Variants in AHNAK observed in about 807,000 individuals in gnomAD.
AHNAK encodes the protein AHNAK nucleoprotein.
In AHNAK, 23 loss-of-function variants were observed where a neutral mutation model predicts 37.8. The ratio of observed to expected loss-of-function variants is 0.61; its 90% CI spans 0.44 to 0.86. The LOEUF (loss-of-function observed/expected upper bound fraction) is 0.86, where lower values mean the gene tolerates loss of function less well. Among genes scored for constraint, AHNAK ranks in the 40% least tolerant of loss-of-function variants. The probability of loss-of-function intolerance (pLI) is 0.00; values close to 1 mark genes in which losing one functional copy is unlikely to be tolerated. For missense variants in AHNAK, 7,411 were observed against 7,319.4 expected (o/e 1.01, Z -0.46); for synonymous variants, 2,481 against 2,636.3 (o/e 0.94, Z 1.80).
At chr11:62,457,221 G>A (rs1398412622) in intron 5 of AHNAK, among the ~76,000 whole-genome samples, 1 of 152,140 alleles carries the variant, frequency 6.6e-6, no homozygotes, top group Non-Finnish European at 1.5e-5. Context: ...GCTGAGGCAG[G>A]TGGATCATGA....
chr11:62,467,197 G>A (rs1938930080), intron 5 of AHNAK, among the ~76,000 whole-genome samples: 1 of 126,000 alleles, frequency 7.9e-6, no homozygotes, highest in Non-Finnish European at 1.6e-5. Flanking sequence ...GGGTGACAAA[G>A]TGAGATCCTG....
chr11:62,475,602 C>CTTTT (rs55773953), intron 5 of AHNAK, among the ~76,000 whole-genome samples: 33,320 of 115,664 alleles, frequency 0.29, 6,203 homozygotes, highest in South Asian at 0.44. Context: ...TTATGTTATA[C>CTTTT]TTTTTTTTTT....
intron 5 of AHNAK, among the ~76,000 whole-genome samples, chr11:62,457,434 C>CGA (rs1938680524): frequency 2.0e-5 from 3 of 149,610 alleles, no homozygotes; most frequent in Admixed American, 1.3e-4. Context: ...GGTGACAGAC[C>CGA]GAGACTCCTT....
At position 62,546,741 on chromosome 11, in the gene AHNAK, C is replaced by T. The variant is rs1040133485; in HGVS notation, c.-181G>A. ...GCTGCGGCTACTGGCGGCGACGAGC[C>T]CCGTTCCGGGCGGGTCTGGCAGGGC... On this transcript the variant is annotated 5_prime_UTR_variant, in exon 1 of 5. Coordinates refer to ENST00000378024, the MANE Select transcript of AHNAK (RefSeq NM_001620.3). 1 of 152,896 alleles carries T rather than the reference C, an allele frequency of 6.5e-6. No individual in the cohort carries two copies. The highest frequency in any genetic ancestry group is 2.4e-5 in the African/African-American group (1 of 41,478). The allele number at this position is 152,896 out of a possible 1,614,324, so 9.5% of individuals were successfully genotyped here.
At chr11:62,437,650 C>T (rs112516030) in intron 5 of AHNAK, among the ~76,000 whole-genome samples, 20,321 of 152,192 alleles carry the variant, frequency 0.13, 1,646 homozygotes, top group Middle Eastern at 0.2. Context: ...TGAACCACCA[C>T]GCCCAGCCCA....
intron 5 of AHNAK, among the ~76,000 whole-genome samples, chr11:62,446,877 C>A (rs112588151): frequency 6.6e-6 from 1 of 152,046 alleles, no homozygotes; most frequent in East Asian, 1.9e-4. Flanking sequence ...ATCAAGTCTC[C>A]CCCAAACTGA....
At chr11:62,469,675 C>T (rs532423778) in intron 5 of AHNAK, among the ~76,000 whole-genome samples, 43 of 152,072 alleles carry the variant, frequency 2.8e-4, no homozygotes, top group African/African-American at 9.6e-4. Context: ...ACTGTGTTGG[C>T]CAGGCTGGTC....
At chr11:62,454,930 A>ATT (rs67424324) in intron 5 of AHNAK, among the ~76,000 whole-genome samples, 10 of 134,696 alleles carry the variant, frequency 7.4e-5, no homozygotes, top group African/African-American at 1.6e-4. Context: ...TTATTTATTT[A>ATT]TTTTTTTTTT....
At chr11:62,510,335 C>T (rs1939887570) in intron 4 of AHNAK, among the ~76,000 whole-genome samples, 2 of 152,136 alleles carry the variant, frequency 1.3e-5, no homozygotes, top group South Asian at 2.1e-4. Context: ...TGAGCCACTG[C>T]GCCCGCCCTC....
At chr11:62,459,671 A>C (rs1486612078) in intron 5 of AHNAK, among the ~76,000 whole-genome samples, 1 of 152,220 alleles carries the variant, frequency 6.6e-6, no homozygotes, top group Non-Finnish European at 1.5e-5. Context: ...CCAGATGCGT[A>C]GAATAGTCAA....
In AHNAK at chr11:62,518,154, G is replaced by T. The variant is rs377561067; in HGVS notation, c.16263C>A (p.His5421Gln). The change falls in exon 5 of 5, where the codon CAC becomes CAA. Residue 5421 changes from histidine (H) to glutamine (Q), a missense_variant. Coordinates refer to ENST00000378024, the MANE Select transcript of AHNAK (RefSeq NM_001620.3). ...FGISTPGSDL[H>Q]VNAKGPQVSG... is the part of the protein sequence containing the mutation. ...AAACCTGTGGCCCCTTGGCATTGAC[G>T]TGCAAGTCGGACCCCGGAGTAGAGA... is the stretch of plus-strand genomic sequence containing the variant. 1 of 1,614,018 alleles carries T rather than the reference G, an allele frequency of 6.2e-7. No individual in the cohort carries two copies. The highest frequency in any genetic ancestry group is 2.2e-5 in the East Asian group (1 of 44,880).
Position 62,532,427 on chromosome 11 carries a change from C to T in AHNAK, c.1990G>A (p.Val664Ile), listed in dbSNP as rs747126657. Reference sequence around the variant, plus strand: ...TTGACATCTGGGGCTTCCACATTGACCTTGGGCCCTGAAATACTGATATCT... The same window carrying T: ...TTGACATCTGGGGCTTCCACATTGATCTTGGGCCCTGAAATACTGATATCT... ...KGDISISGPK[V>I]NVEAPDVNLE... is the part of the protein sequence containing the mutation. The change falls in exon 5 of 5, where the codon GTC (valine) becomes ATC (isoleucine). Residue 664 changes from valine (V) to isoleucine (I), a missense_variant. Physicochemically the swap from Val to Ile is conservative, Grantham distance 29. Transcript: ENST00000378024. 4 of 1,614,042 alleles carry T rather than the reference C, an allele frequency of 2.5e-6. No homozygotes were observed. Among genetic ancestry groups the T allele is most frequent in the Admixed American group, 1.7e-5 (1 of 60,012 alleles).
chr11:62,433,687 A>G lies in AHNAK; in HGVS notation c.*197T>C. The stretch of plus-strand genomic sequence containing the variant: ...GAAATGCACCAAGCAGGGCTTATGC[A>G]GCAGCCCTCGGTCTGGCCTGGCTGG... On this transcript the variant is annotated 3_prime_UTR_variant, in exon 6 of 6. Coordinates refer to the AHNAK transcript ENST00000257247. The G allele has an allele frequency of 4.6e-6, 3 of 658,514 alleles. No individual in the cohort carries two copies. In the South Asian group the frequency reaches 5.7e-5, roughly 13 times the overall value. 40.8% of individuals were successfully genotyped at this position (658,514 alleles called of 1,614,324 possible). A position where few individuals can be genotyped will look rare whatever the true frequency, so the allele number is the denominator to read the frequency against.
At chr11:62,508,478 C>T (rs1475791484) in intron 4 of AHNAK, among the ~76,000 whole-genome samples, 3 of 152,236 alleles carry the variant, frequency 2.0e-5, no homozygotes, top group East Asian at 3.8e-4. Context: ...TGGACTAGAA[C>T]GCCCTGTCCA....
Position 62,532,528 on chromosome 11 carries a change from T to G in AHNAK, c.1889A>C (p.Lys630Thr). 1.9e-6 allele frequency: 3 copies of G among 1,614,168 alleles called. No individual in the cohort carries two copies. Among genetic ancestry groups the G allele is most frequent in the South Asian group, 1.1e-5 (1 of 91,080 alleles). Reference sequence around the variant, plus strand: ...AGTGCTGAACGTGGGCATTTTCATCTTGGGCATTTTCAGGTTCCATTCTGG... The same window carrying G: ...AGTGCTGAACGTGGGCATTTTCATCGTGGGCATTTTCAGGTTCCATTCTGG... ...HGPEWNLKMP[K>T]MKMPTFSTPG... Residue 630 changes from lysine to threonine, a missense_variant, in exon 5 of 5, where the codon AAG becomes ACG. Lys to Thr is a moderately conservative substitution (Grantham distance 78). Coordinates refer to ENST00000378024, the MANE Select transcript of AHNAK (RefSeq NM_001620.3).
chr11:62,443,585 C>G (rs984294714), intron 5 of AHNAK, among the ~76,000 whole-genome samples: 3 of 152,104 alleles, frequency 2.0e-5, no homozygotes, highest in African/African-American at 7.2e-5. Context: ...TCTTGCTCAT[C>G]TTGAAGACAG....
intron 5 of AHNAK, among the ~76,000 whole-genome samples, chr11:62,453,950 T>C (rs1258494699): frequency 1.3e-5 from 2 of 151,566 alleles, no homozygotes; most frequent in Admixed American, 6.6e-5. Flanking sequence ...CTACTAAAAA[T>C]ACAAAAATTA....
chr11:62,452,361 C>T (rs1294806318), intron 5 of AHNAK, among the ~76,000 whole-genome samples: 2 of 152,160 alleles, frequency 1.3e-5, no homozygotes, highest in Non-Finnish European at 2.9e-5. Flanking sequence ...CAGGCCGTCC[C>T]GCTCTGGAAC....
intron 5 of AHNAK, among the ~76,000 whole-genome samples, chr11:62,467,280 GAAAAC>G (rs1938932528): frequency 6.7e-6 from 1 of 148,636 alleles, no homozygotes; most frequent in Admixed American, 6.7e-5. Context: ...TTCTTTAAAA[GAAAAC>G]AAATTCTACA....
Sources: allele counts gnomAD v4.1 joint callset (sites outside exome capture counted in the v4.1 genomes callset), GRCh38; gene constraint gnomAD v4.1.1; transcripts MANE v1.5; gene names NCBI Gene and HGNC (gene_info 2026-07-23, HGNC 2026-07-21).